The following MSRB3 variants were observed in gnomAD, a reference collection of about 807,000 sequenced individuals.
MSRB3 encodes methionine-R-sulfoxide reductase B3.
MSRB3 carries 13 observed loss-of-function variants against 21.0 expected under a neutral mutation model. The observed-to-expected ratio is 0.62, with a 90% confidence interval of 0.40 to 0.98. The LOEUF is 0.98. MSRB3 is among the 50% of genes least tolerant of loss of function. MSRB3 has a pLI of 0.00. For missense variants in MSRB3, 199 were observed against 230.3 expected (o/e 0.86, Z 0.88); for synonymous variants, 87 against 88.6 (o/e 0.98, Z 0.10).
chr12:65,316,606 T>A (rs1351570838), intron 2 of MSRB3, among the ~76,000 whole-genome samples: 1 of 152,212 alleles, frequency 6.6e-6, no homozygotes, highest in Non-Finnish European at 1.5e-5. Flanking sequence ...TAACATCATC[T>A]TATATATCAA....
chr12:65,318,401 C>T (rs545456272), intron 2 of MSRB3, among the ~76,000 whole-genome samples: 19 of 152,156 alleles, frequency 1.2e-4, no homozygotes, highest in Non-Finnish European at 1.9e-4. Flanking sequence ...CCCTAGCAGT[C>T]GGTGCTCCCA....
chr12:65,424,000 T>C (rs1169872572), intron 5 of MSRB3, among the ~76,000 whole-genome samples: 3 of 152,174 alleles, frequency 2.0e-5, no homozygotes, highest in Non-Finnish European at 4.4e-5. Flanking sequence ...TTATTACTTA[T>C]TCAATGTCCT....
intron 5 of MSRB3, among the ~76,000 whole-genome samples, chr12:65,443,890 A>G (rs1460985143): frequency 1.3e-5 from 2 of 152,224 alleles, no homozygotes; most frequent in African/African-American, 4.8e-5. Flanking sequence ...CCTGGCAACT[A>G]TCATTCTACT....
intron 2 of MSRB3, among the ~76,000 whole-genome samples, chr12:65,322,660 C>CAAA (rs34770864): frequency 7.7e-4 from 67 of 87,246 alleles, no homozygotes; most frequent in Non-Finnish European, 9.5e-4. Context: ...GACTCCATCT[C>CAAA]AAAAAAAAAA....
rs183549580 is a variant in MSRB3, at chr12:65,377,161, G to A, written c.292+8135G>A. Among the ~76,000 whole-genome samples the A allele has an allele frequency of 1.8e-4, 28 of 152,338 alleles. No individual in the cohort carries two copies. In the East Asian group the frequency reaches 5.0e-3, roughly 27 times the overall value. ...CAGCCATCTGTTTCTTTGTGCAAAT[G>A]CTGACTCTTGTAGCACTTATCATCT... On this transcript the variant is annotated intron_variant, in intron 5 of 6. Transcript: ENST00000308259.
intron 5 of MSRB3, among the ~76,000 whole-genome samples, chr12:65,432,300 C>T (rs1592632866): frequency 6.6e-6 from 1 of 151,904 alleles, no homozygotes; most frequent in Non-Finnish European, 1.5e-5. Context: ...TATCCATATG[C>T]TGTTTATAAC....
At chr12:65,326,803 T>G in intron 2 of MSRB3, 23 bp from the exon 3 acceptor site, 1 of 1,589,256 alleles carries the variant, frequency 6.3e-7, no homozygotes, top group Non-Finnish European at 8.6e-7. Flanking sequence ...AGGCTTCTTC[T>G]CCCATATCCT....
intron 4 of MSRB3, among the ~76,000 whole-genome samples, chr12:65,362,510 A>T (rs1249752819): frequency 1.3e-5 from 2 of 152,116 alleles, no homozygotes; most frequent in Non-Finnish European, 2.9e-5. Context: ...CAAAATGGGA[A>T]TTCTGTTTTT....
intron 2 of MSRB3, among the ~76,000 whole-genome samples, chr12:65,311,019 A>G (rs1381189454): frequency 3.9e-5 from 6 of 152,230 alleles, no homozygotes; most frequent in African/African-American, 1.4e-4. Context: ...AAATTCATGT[A>G]TCTGTATTAA....
intron 4 of MSRB3, among the ~76,000 whole-genome samples, chr12:65,340,117 A>G (rs191765362): frequency 2.8e-3 from 423 of 152,352 alleles, no homozygotes; most frequent in African/African-American, 9.5e-3. Flanking sequence ...AATATATCCA[A>G]GAAAATAGAT....
chr12:65,411,732 T>C (rs1229663268), intron 5 of MSRB3, among the ~76,000 whole-genome samples: 2 of 149,542 alleles, frequency 1.3e-5, no homozygotes, highest in Non-Finnish European at 3.0e-5. Flanking sequence ...AGATTTATAA[T>C]ATATATACAG....
intron 5 of MSRB3, among the ~76,000 whole-genome samples, chr12:65,412,786 T>C (rs556729181): frequency 2.0e-5 from 3 of 152,272 alleles, no homozygotes; most frequent in South Asian, 2.1e-4. Context: ...AGAGGTTTAA[T>C]TGGCTCACAG....
intron 4 of MSRB3, among the ~76,000 whole-genome samples, chr12:65,338,122 G>A (rs977451954): frequency 3.3e-5 from 5 of 152,092 alleles, no homozygotes; most frequent in African/African-American, 7.2e-5. Context: ...CTAAGATGGC[G>A]GAAATGTAAA....
At chr12:65,347,048 G>A (rs1443304245) in intron 4 of MSRB3, among the ~76,000 whole-genome samples, 1 of 152,154 alleles carries the variant, frequency 6.6e-6, no homozygotes, top group African/African-American at 2.4e-5. Flanking sequence ...TTTTGGCTTA[G>A]GATTGCCTTG....
chr12:65,376,472 C>T (rs1402866855), intron 5 of MSRB3, among the ~76,000 whole-genome samples: 1 of 152,202 alleles, frequency 6.6e-6, no homozygotes, highest in Non-Finnish European at 1.5e-5. Flanking sequence ...CTCCATAAGT[C>T]TGGTGGCAGC....
chr12:65,338,250 G>T (rs1182454495), intron 4 of MSRB3, among the ~76,000 whole-genome samples: 3 of 152,066 alleles, frequency 2.0e-5, no homozygotes, highest in South Asian at 4.1e-4. Context: ...GCTATTTCAA[G>T]TACAGATATG....
chr12:65,458,841 C>G (rs1883201737), intron 6 of MSRB3, among the ~76,000 whole-genome samples: 1 of 152,194 alleles, frequency 6.6e-6, no homozygotes, highest in South Asian at 2.1e-4. Context: ...ATATTTTCAA[C>G]TAGTGATAAA....
intron 1 of MSRB3, among the ~76,000 whole-genome samples, chr12:65,289,246 G>A (rs1872551870): frequency 6.6e-6 from 1 of 152,186 alleles, no homozygotes; most frequent in African/African-American, 2.4e-5. Context: ...TGTATTCCCA[G>A]CACTTTGGGA....
intron 5 of MSRB3, among the ~76,000 whole-genome samples, chr12:65,452,920 T>C (rs1882920672): frequency 1.3e-5 from 2 of 152,148 alleles, no homozygotes; most frequent in Non-Finnish European, 1.5e-5. Context: ...CAGACATATT[T>C]TGGGGAAACA....
Sources: gnomAD v4.1 joint callset for allele counts (sites outside exome capture counted in the v4.1 genomes callset) on GRCh38, gnomAD v4.1.1 for gene constraint, MANE v1.5 for transcripts, NCBI Gene and HGNC (gene_info 2026-07-23, HGNC 2026-07-21) for gene names.